MYO18A: variants seen among roughly 807,000 people sequenced by gnomAD.
MYO18A encodes the protein myosin XVIIIA.
A neutral mutation model predicts 235.8 loss-of-function variants in MYO18A; 78 were observed. That is an observed-to-expected ratio of 0.33 (90% CI 0.28 to 0.40). The LOEUF (loss-of-function observed/expected upper bound fraction) is 0.40, where lower values mean the gene tolerates loss of function less well. Ranked by LOEUF, MYO18A falls within the 10% of genes least tolerant of loss-of-function variation. The probability of loss-of-function intolerance (pLI) is 1.00; values close to 1 mark genes in which losing one functional copy is unlikely to be tolerated. For missense variants in MYO18A, 2,215 were observed against 2,699.3 expected (o/e 0.82, Z 3.98); for synonymous variants, 977 against 1,077.8 (o/e 0.91, Z 1.83).
chr17:29,107,051 G>C (rs757641165), intron 20 of MYO18A, 29 bp downstream of exon 20: 9 of 1,601,082 alleles, frequency 5.6e-6, no homozygotes, highest in Non-Finnish European at 6.8e-6. Context: ...CCTGGGCAGA[G>C]GGAGAGCGGT....
intron 2 of MYO18A, among the ~76,000 whole-genome samples, chr17:29,151,560 A>G (rs1234033976): frequency 1.3e-5 from 2 of 152,096 alleles, no homozygotes; most frequent in African/African-American, 2.4e-5. Flanking sequence ...TGTAGTCACA[A>G]TTTAATACCC....
rs1481727935 is a variant in MYO18A at position 29,110,085 on chromosome 17, G to C, written c.3104C>G (p.Thr1035Ser). Residue 1035 changes from threonine to serine, a missense_variant, in exon 19 of 42, where the codon ACC (threonine) becomes AGC (serine). Coordinates refer to ENST00000527372, the MANE Select transcript of MYO18A (RefSeq NM_078471.4). Reference sequence around the variant, plus strand: ...AAAATGCAGCTTTGACTTCTTGATGGTGTCGATGAGGGCGTCCTGCCGAGG... The same window carrying C: ...AAAATGCAGCTTTGACTTCTTGATGCTGTCGATGAGGGCGTCCTGCCGAGG... ...MKLQVDALID[T>S]IKKSKLHFVH... 1.2e-6 allele frequency: 2 copies of C among 1,611,230 alleles called. No individual in the cohort carries two copies. The highest frequency in any genetic ancestry group is 3.3e-5 in the Admixed American group (2 of 60,012).
chr17:29,145,126 C>T (rs1002891422), intron 2 of MYO18A, among the ~76,000 whole-genome samples: 22 of 152,142 alleles, frequency 1.4e-4, no homozygotes, highest in Non-Finnish European at 1.3e-4. Context: ...ATAATCGATT[C>T]GTGTTGAATG....
At chr17:29,123,112 G>A (rs575378595) in intron 2 of MYO18A, among the ~76,000 whole-genome samples, 29 of 152,348 alleles carry the variant, frequency 1.9e-4, no homozygotes, top group African/African-American at 7.0e-4. Flanking sequence ...CACCAACTCA[G>A]ACATAAGCAT....
At chr17:29,080,746 G>C (rs2152717801) in intron 41 of MYO18A, 2 of 985,608 alleles carry the variant, frequency 2.0e-6, no homozygotes, top group Non-Finnish European at 2.4e-6. Context: ...GCGCCCCCCG[G>C]TCCCCGAGCG....
Position 29,118,502 on chromosome 17 carries a change from C to A in MYO18A, c.1830-62G>T. ...TCCCCATGCCAAGGCCATTTCCGCCCAGGGTGGAGACAGACAGACTCAGCT... is the reference window on the plus strand; with the variant it reads ...TCCCCATGCCAAGGCCATTTCCGCCAAGGGTGGAGACAGACAGACTCAGCT... On this transcript the variant is annotated intron_variant, in intron 8 of 41. Transcript: ENST00000527372. The surrounding 1 kb of genome is among the most constrained non-coding windows in gnomAD (Gnocchi z 4.2). 1 of 1,470,654 alleles carries A rather than the reference C, an allele frequency of 6.8e-7. No homozygotes were observed. The highest frequency in any genetic ancestry group is 2.4e-5 in the East Asian group (1 of 42,178). 91.1% of individuals were successfully genotyped at this position (1,470,654 alleles called of 1,614,324 possible). A position where few individuals can be genotyped will look rare whatever the true frequency, so the allele number is the denominator to read the frequency against.
At chr17:29,178,811 A>C (rs540493291) in intron 1 of MYO18A, among the ~76,000 whole-genome samples, 1 of 152,340 alleles carries the variant, frequency 6.6e-6, no homozygotes, top group East Asian at 1.9e-4. Context: ...AAGGGCTCCA[A>C]AGCACAAGGG....
intron 2 of MYO18A, 144 bp from the exon 3 acceptor site, chr17:29,122,397 G>T (rs1598341864): frequency 5.4e-6 from 4 of 734,116 alleles, no homozygotes; most frequent in Admixed American, 2.3e-5. Context: ...CAGAACACAG[G>T]GACATCAGAG....
At chr17:29,151,644 C>A (rs2067965805) in intron 2 of MYO18A, among the ~76,000 whole-genome samples, 1 of 152,298 alleles carries the variant, frequency 6.6e-6, no homozygotes, top group Admixed American at 6.5e-5. Context: ...GGAGAAAGCC[C>A]CTCAGTGCCT....
At position 29,103,650 on chromosome 17, in the gene MYO18A, C is replaced by G; in HGVS notation, c.3456G>C (p.Leu1152=). 6.2e-7 allele frequency: 1 copy of G among 1,613,792 alleles called. No homozygotes were observed. Among genetic ancestry groups the G allele is most frequent in the Non-Finnish European group, 8.5e-7 (1 of 1,179,892 alleles). The change falls in exon 21 of 42, where the codon CTG becomes CTC. Residue 1152 remains leucine, a synonymous_variant. Coordinates refer to ENST00000527372, the MANE Select transcript of MYO18A (RefSeq NM_078471.4). The part of the protein sequence containing the change: ...VVDERRAVEE[L]LECLDLEKSS... The stretch of plus-strand genomic sequence containing the variant: ...TCTTCTCCAGATCCAAGCACTCCAG[C>G]AGCTCCTCCACTGCCTGTGGAGAGA...
chr17:29,093,363 T>C lies in MYO18A; in HGVS notation c.4886A>G (p.Lys1629Arg), dbSNP rs781353389. The change falls in exon 32 of 42, where the codon AAG (lysine) becomes AGG (arginine). Residue 1629 changes from lysine to arginine, a missense_variant. Transcript: ENST00000527372. ...GGCGAGCTTGCCCTCCAGCTCCCGCTTCTCTCGCAGAACCTTCTGCTTGTC... is the reference window on the plus strand; with the variant it reads ...GGCGAGCTTGCCCTCCAGCTCCCGCCTCTCTCGCAGAACCTTCTGCTTGTC... ...YEDKQKVLRE[K>R]RELEGKLATL... 2.5e-6 allele frequency: 4 copies of C among 1,612,702 alleles called. No individual in the cohort carries two copies. In the Admixed American group the frequency reaches 6.7e-5, roughly 27 times the overall value.
At chr17:29,088,123 C>T (rs1164819225) in intron 37 of MYO18A, among the ~76,000 whole-genome samples, 5 of 150,274 alleles carry the variant, frequency 3.3e-5, no homozygotes, top group Non-Finnish European at 5.9e-5. Flanking sequence ...GCGCGATCTC[C>T]GCTCACTGCA....
At chr17:29,097,044 T>A in intron 27 of MYO18A, 129 bp from the exon 28 acceptor site, 1 of 1,382,662 alleles carries the variant, frequency 7.2e-7, no homozygotes, top group Non-Finnish European at 9.6e-7. Flanking sequence ...CCCAGGGAAC[T>A]GAAGAAGCTC....
intron 2 of MYO18A, among the ~76,000 whole-genome samples, chr17:29,161,174 G>A (rs974296193): frequency 1.3e-5 from 2 of 152,158 alleles, no homozygotes; most frequent in African/African-American, 4.8e-5. Flanking sequence ...GACCAATATG[G>A]TGAAACCCCA....
At chr17:29,143,282 G>GAAAA (rs2067780486) in intron 2 of MYO18A, among the ~76,000 whole-genome samples, 1 of 152,218 alleles carries the variant, frequency 6.6e-6, no homozygotes, top group African/African-American at 2.4e-5. Flanking sequence ...GCCCAGGCTG[G>GAAAA]AGTGCAGTGG....
intron 27 of MYO18A, 45 bp from the exon 28 acceptor site, chr17:29,096,960 T>C (rs781306411): frequency 1.3e-5 from 19 of 1,496,240 alleles, no homozygotes; most frequent in Middle Eastern, 3.6e-4. Context: ...CCCAGAAGCA[T>C]AGGTGGAGAA....
chr17:29,091,763 T>G (rs1032319735), intron 34 of MYO18A: 35 of 437,688 alleles, frequency 8.0e-5, no homozygotes, highest in Middle Eastern at 1.3e-3. Flanking sequence ...CCTGCCCCAT[T>G]CCCTGCCCAA....
At position 29,072,759 on chromosome 17, in the gene MYO18A, A is replaced by G. The variant is rs567473364; in HGVS notation, c.*2011T>C. ...CTATTTTTTCCCACCCATCTGTCCA[A>G]ACTACTTTATTCATTCAGGGATTAT... On this transcript the variant is annotated 3_prime_UTR_variant, in exon 42 of 42. Transcript: ENST00000527372. The G allele has an allele frequency of 1.7e-4, 26 of 152,282 alleles. No individual in the cohort carries two copies. Among genetic ancestry groups the G allele is most frequent in the African/African-American group, 5.8e-4 (24 of 41,550 alleles). The allele number at this position is 152,282 out of a possible 1,614,324, so 9.4% of individuals were successfully genotyped here.
intron 40 of MYO18A, among the ~76,000 whole-genome samples, chr17:29,083,849 A>C (rs746506807): frequency 6.6e-6 from 1 of 152,192 alleles, no homozygotes; most frequent in Non-Finnish European, 1.5e-5. Flanking sequence ...CAGAGCCTGT[A>C]ATTTATCACC....
Sources: gnomAD v4.1 joint callset for allele counts (sites outside exome capture counted in the v4.1 genomes callset) on GRCh38, gnomAD v4.1.1 for gene constraint, Gnocchi (gnomAD v3.1) non-coding constraint, MANE v1.5 for transcripts, NCBI Gene and HGNC (gene_info 2026-07-23, HGNC 2026-07-21) for gene names.